Variants in RBFOX1 observed in about 807,000 individuals in gnomAD.
The protein encoded by RBFOX1 is RNA binding protein fox-1 homolog 1.
A neutral mutation model predicts 57.7 loss-of-function variants in RBFOX1; 8 were observed. The ratio of observed to expected loss-of-function variants is 0.14; its 90% CI spans 0.08 to 0.25. The LOEUF (loss-of-function observed/expected upper bound fraction) is 0.25, where lower values mean the gene tolerates loss of function less well. Ranked by LOEUF, RBFOX1 falls within the 10% of genes least tolerant of loss-of-function variation. The pLI, the probability that RBFOX1 is intolerant of heterozygous loss-of-function variation, is 1.00. For synonymous variants in RBFOX1, 326 were observed against 222.4 expected (o/e 1.47, Z -4.15); for missense variants, 611 against 548.5 (o/e 1.11, Z -1.14).
chr16:5,369,729 T>C (rs974605976), intron 1 of RBFOX1, among the ~76,000 whole-genome samples: 1 of 152,178 alleles, frequency 6.6e-6, no homozygotes, highest in African/African-American at 2.4e-5. Flanking sequence ...CTTTGTGTGG[T>C]TGAAGCCACC....
chr16:6,084,143 G>A (rs952030314), intron 1 of RBFOX1, among the ~76,000 whole-genome samples: 3 of 152,106 alleles, frequency 2.0e-5, no homozygotes, highest in African/African-American at 4.8e-5. Flanking sequence ...CCCTCTTAGG[G>A]CACTCTGAGC....
At chr16:5,621,185 C>T (rs1351644347) in intron 3 of RBFOX1, among the ~76,000 whole-genome samples, 1 of 152,030 alleles carries the variant, frequency 6.6e-6, no homozygotes, top group African/African-American at 2.4e-5. Context: ...CCTGTGTTTC[C>T]CGGCTGGTCT....
intron 4 of RBFOX1, among the ~76,000 whole-genome samples, chr16:7,182,537 G>A (rs901815257): frequency 3.9e-5 from 6 of 152,156 alleles, no homozygotes; most frequent in Non-Finnish European, 7.3e-5. Context: ...TAGAAATATG[G>A]AAACAAGGGA....
Position 6,988,415 on chromosome 16 carries a change from T to A in RBFOX1, c.-15-63642T>A, listed in dbSNP as rs146269309. On this transcript the variant is annotated intron_variant, in intron 3 of 15. Transcript: ENST00000550418. ...AAGATATATGCTGGATTTCAAAGAC[T>A]TAGTATATGAAAGTGTTTTAAATAG... Among the ~76,000 whole-genome samples the A allele has an allele frequency of 2.0e-5, 3 of 152,280 alleles. No individual in the cohort carries two copies. In the East Asian group the frequency reaches 5.8e-4, roughly 29 times the overall value.
At chr16:6,781,407 T>C (rs1162107609) in intron 3 of RBFOX1, among the ~76,000 whole-genome samples, 2 of 152,114 alleles carry the variant, frequency 1.3e-5, no homozygotes, top group Non-Finnish European at 2.9e-5. Flanking sequence ...TGTGTATTTG[T>C]CTAGTTTTGG....
intron 2 of RBFOX1, among the ~76,000 whole-genome samples, chr16:6,320,535 G>A (rs1476744682): frequency 1.3e-5 from 2 of 151,832 alleles, no homozygotes; most frequent in Non-Finnish European, 2.9e-5. Context: ...AAGATTTAAG[G>A]TATATATGAG....
At chr16:6,597,806 C>G (rs1238543930) in intron 2 of RBFOX1, among the ~76,000 whole-genome samples, 3 of 152,214 alleles carry the variant, frequency 2.0e-5, no homozygotes, top group African/African-American at 7.2e-5. Context: ...CCACCTTTTT[C>G]TGCACTGACA....
chr16:7,378,238 T>C (rs1284702110), intron 4 of RBFOX1, among the ~76,000 whole-genome samples: 1 of 152,252 alleles, frequency 6.6e-6, no homozygotes, highest in Non-Finnish European at 1.5e-5. Context: ...ACAAACCATC[T>C]CCTGATCTCG....
intron 1 of RBFOX1, among the ~76,000 whole-genome samples, chr16:5,292,567 C>T (rs1287388977): frequency 6.6e-6 from 1 of 152,204 alleles, no homozygotes; most frequent in African/African-American, 2.4e-5. Context: ...GTCACCATCA[C>T]TCCCCCTGAT....
intron 4 of RBFOX1, among the ~76,000 whole-genome samples, chr16:7,102,180 G>A (rs970395870): frequency 6.6e-6 from 1 of 152,310 alleles, no homozygotes; most frequent in African/African-American, 2.4e-5. Flanking sequence ...TCGGATTCCA[G>A]TTAAGCCACT....
At chr16:6,529,910 C>G (rs1347800434) in intron 2 of RBFOX1, among the ~76,000 whole-genome samples, 2 of 152,076 alleles carry the variant, frequency 1.3e-5, no homozygotes, top group Non-Finnish European at 2.9e-5. Flanking sequence ...CTCACTGCTC[C>G]CAAATTCAGA....
chr16:7,057,893 A>G (rs2052891377), intron 4 of RBFOX1, among the ~76,000 whole-genome samples: 2 of 151,768 alleles, frequency 1.3e-5, no homozygotes, highest in Non-Finnish European at 2.9e-5. Context: ...CTGTAGTCCC[A>G]GCTACTCCGG....
rs139639784 is a variant in RBFOX1, at chr16:5,480,967, G to A, written c.258+13713G>A. Among the ~76,000 whole-genome samples, 8 of 152,290 alleles carry A rather than the reference G, an allele frequency of 5.3e-5. No individual in the cohort carries two copies. The East Asian group carries it at 7.7e-4, about 15-fold the overall frequency. On this transcript the variant is annotated intron_variant, in intron 2 of 2. Coordinates refer to the RBFOX1 transcript ENST00000585867. The stretch of plus-strand genomic sequence containing the variant: ...ATATATTCTGGAGGTGGAATGCTCC[G>A]TCTAAAGTCTGAGCTGAGCATTCAT...
At chr16:7,144,157 G>C (rs1447563470) in intron 4 of RBFOX1, among the ~76,000 whole-genome samples, 3 of 152,196 alleles carry the variant, frequency 2.0e-5, no homozygotes, top group African/African-American at 7.2e-5. Flanking sequence ...TTGCAAAAAT[G>C]ATTGTTTAAG....
At chr16:5,393,283 A>G (rs1244399209) in intron 1 of RBFOX1, among the ~76,000 whole-genome samples, 1 of 152,164 alleles carries the variant, frequency 6.6e-6, no homozygotes, top group Admixed American at 6.5e-5. Context: ...TTAGTCATTC[A>G]TCACATGGAT....
At chr16:7,618,355 C>T (rs902380703) in intron 10 of RBFOX1, among the ~76,000 whole-genome samples, 3 of 152,116 alleles carry the variant, frequency 2.0e-5, no homozygotes, top group African/African-American at 7.2e-5. Flanking sequence ...GTGCGTGAAG[C>T]CCTGTGGTGC....
chr16:7,461,724 A>G (rs1305365726), intron 4 of RBFOX1, among the ~76,000 whole-genome samples: 1 of 152,196 alleles, frequency 6.6e-6, no homozygotes, highest in African/African-American at 2.4e-5. Flanking sequence ...ATCCAGCAGG[A>G]GAAAGCTGGG....
At chr16:6,082,439 G>T (rs927994183) in intron 1 of RBFOX1, among the ~76,000 whole-genome samples, 1 of 145,434 alleles carries the variant, frequency 6.9e-6, no homozygotes, top group East Asian at 2.1e-4. Context: ...AGAGTGCTGG[G>T]ATTACAGGTT....
chr16:5,649,032 C>T (rs2049141970), intron 3 of RBFOX1, among the ~76,000 whole-genome samples: 1 of 151,446 alleles, frequency 6.6e-6, no homozygotes, highest in Admixed American at 6.6e-5. Flanking sequence ...CCACTGCACT[C>T]CAGCCTGAGA....
Sources: gnomAD v4.1 joint callset for allele counts (sites outside exome capture counted in the v4.1 genomes callset) on GRCh38, gnomAD v4.1.1 for gene constraint, MANE v1.5 for transcripts, NCBI Gene and HGNC (gene_info 2026-07-23, HGNC 2026-07-21) for gene names.